Variants in USP34 observed in about 807,000 individuals in gnomAD.
USP34 encodes ubiquitin specific peptidase 34, also known as ubiquitin carboxyl-terminal hydrolase 34.
In USP34, 70 loss-of-function variants were observed where a neutral mutation model predicts 460.3. The observed-to-expected ratio is 0.15, with a 90% confidence interval of 0.13 to 0.19. USP34 has a LOEUF of 0.19. USP34 is among the 10% of genes least tolerant of loss of function. USP34 has a pLI of 1.00. For synonymous variants in USP34, 1,647 were observed against 1,405.3 expected, an observed-to-expected ratio of 1.17 and a Z score of -3.85; for missense variants, 3,985 against 4,236.2, an observed-to-expected ratio of 0.94 and a Z score of 1.65.
intron 62 of USP34, among the ~76,000 whole-genome samples, chr2:61,226,361 T>C (rs1012000609): frequency 1.3e-5 from 2 of 152,248 alleles, no homozygotes; most frequent in African/African-American, 4.8e-5. Context: ...GTGCCACTTT[T>C]GGCATTACAA....
At chr2:61,265,694 T>TAAA in intron 42 of USP34, 137 bp from the exon 43 acceptor site, 1 of 762,592 alleles carries the variant, frequency 1.3e-6, no homozygotes, top group Non-Finnish European at 1.8e-6. Flanking sequence ...ATTTTTTAAA[T>TAAA]AAAAAAAAAT....
intron 2 of USP34, among the ~76,000 whole-genome samples, chr2:61,417,831 TC>T (rs1694242360): frequency 7.1e-6 from 1 of 141,314 alleles, no homozygotes; most frequent in South Asian, 2.3e-4. Flanking sequence ...AACCTCTGCC[TC>T]CCGGGTTCAA....
At chr2:61,222,262 A>G (rs1196439701) in intron 65 of USP34, among the ~76,000 whole-genome samples, 1 of 152,238 alleles carries the variant, frequency 6.6e-6, no homozygotes, top group African/African-American at 2.4e-5. Flanking sequence ...CTTTTATATA[A>G]CACTGCATTC....
intron 5 of USP34, among the ~76,000 whole-genome samples, chr2:61,385,418 A>C (rs1477065084): frequency 6.6e-6 from 1 of 151,956 alleles, no homozygotes; most frequent in Admixed American, 6.6e-5. Context: ...GCGGTGGCTC[A>C]CATCTCACTT....
Position 61,232,556 on chromosome 2 carries a change from A to T in USP34, c.7033-24T>A. ...CACTGTTAAAAAAAAATACAGCATG[A>T]CTTTAACATTCAACAAATATTTGTT... On this transcript the variant is annotated intron_variant, in intron 57 of 79. Coordinates refer to ENST00000398571, the MANE Select transcript of USP34 (RefSeq NM_014709.4). 2.6e-6 allele frequency: 4 copies of T among 1,558,574 alleles called. No individual in the cohort carries two copies. In the South Asian group the frequency reaches 4.7e-5, roughly 18 times the overall value.
At chr2:61,332,818 C>T (rs1357673207) in intron 19 of USP34, among the ~76,000 whole-genome samples, 1 of 151,950 alleles carries the variant, frequency 6.6e-6, no homozygotes, top group Non-Finnish European at 1.5e-5. Context: ...GACTAAGATA[C>T]TTCTAAATAA....
chr2:61,256,573 CAA>C (rs34025877), intron 47 of USP34, 95 bp from the exon 48 acceptor site: 48 of 887,474 alleles, frequency 5.4e-5, no homozygotes, highest in African/African-American at 3.0e-4. Flanking sequence ...GAATGCTCAG[CAA>C]AAAAATTTTT....
chr2:61,421,202 G>A (rs2103973511), intron 1 of USP34, among the ~76,000 whole-genome samples: 1 of 152,280 alleles, frequency 6.6e-6, no homozygotes, highest in South Asian at 2.1e-4. Context: ...AAGAAGGCAG[G>A]AGGAGAGACC....
intron 33 of USP34, among the ~76,000 whole-genome samples, chr2:61,290,204 A>T (rs1238064017): frequency 6.6e-6 from 1 of 152,094 alleles, no homozygotes; most frequent in Non-Finnish European, 1.5e-5. Flanking sequence ...TGTTCATATC[A>T]ACTTCTGGCA....
At chr2:61,457,996 A>G (rs1695486797) in intron 1 of USP34, among the ~76,000 whole-genome samples, 1 of 152,180 alleles carries the variant, frequency 6.6e-6, no homozygotes, top group Admixed American at 6.6e-5. Context: ...TTTCCCTTCT[A>G]TTATCAACCC....
At chr2:61,387,464 C>CA (rs1693183735) in intron 5 of USP34, among the ~76,000 whole-genome samples, 1 of 149,666 alleles carries the variant, frequency 6.7e-6, no homozygotes, top group Non-Finnish European at 1.5e-5. Context: ...GACTCTATCT[C>CA]AAAAAAACAA....
At chr2:61,190,010 C>G (rs777590) in intron 78 of USP34, 216,358 of 340,594 alleles carry the variant, frequency 0.64, 69,094 homozygotes, top group Middle Eastern at 0.72. Flanking sequence ...ATATACCCAA[C>G]TAGAGATAAG....
In USP34 at chr2:61,221,485, C is replaced by T. The variant is rs756725765; in HGVS notation, c.7899+17G>A. Reference sequence around the variant, plus strand: ...CTCAGGAAAATAAACATTGAAAACACCTGCTGCAAGACTTACCTCCCATAT... The same window carrying T: ...CTCAGGAAAATAAACATTGAAAACATCTGCTGCAAGACTTACCTCCCATAT... On this transcript the variant is annotated intron_variant, in intron 66 of 79. Coordinates refer to ENST00000398571, the MANE Select transcript of USP34 (RefSeq NM_014709.4). The T allele has an allele frequency of 2.5e-6, 4 of 1,596,206 alleles. No individual in the cohort carries two copies. Among genetic ancestry groups the T allele is most frequent in the South Asian group, 1.1e-5 (1 of 88,222 alleles).
chr2:61,192,023 T>A lies in USP34; in HGVS notation c.9588+878A>T, dbSNP rs560069157. ...TCTGATAAGGTCTCTACACTTGAGT[T>A]CTGTTTTGGAAAAGTAGAGAAACCA... is the stretch of plus-strand genomic sequence containing the variant. On this transcript the variant is annotated intron_variant, in intron 76 of 79. Transcript: ENST00000398571. Among the ~76,000 whole-genome samples the A allele has an allele frequency of 2.9e-3, 447 of 152,342 alleles. 3 individuals are homozygous for A. Among genetic ancestry groups the A allele is most frequent in the African/African-American group, 9.3e-3 (388 of 41,570 alleles).
rs1695934976 is a variant in USP34, at chr2:61,470,759, G to GT, written c.-68_-67insA. 3 of 1,418,412 alleles carry GT rather than the reference G, an allele frequency of 2.1e-6. No homozygotes were observed. The highest frequency in any genetic ancestry group is 1.5e-5 in the African/African-American group (1 of 67,696). 87.9% of individuals were successfully genotyped at this position (1,418,412 alleles called of 1,614,324 possible). On this transcript the variant is annotated 5_prime_UTR_variant, in exon 1 of 80. Coordinates refer to ENST00000398571, the MANE Select transcript of USP34 (RefSeq NM_014709.4). ...CTGACTGATCCCGACCGGCGGGGGG[G>GT]AGGGGAGAGAGGCGGAGGAGGGGGC... is the stretch of plus-strand genomic sequence containing the variant.
At chr2:61,295,695 TCTA>T (rs1465859037) in intron 30 of USP34, among the ~76,000 whole-genome samples, 1 of 152,214 alleles carries the variant, frequency 6.6e-6, no homozygotes, top group Non-Finnish European at 1.5e-5. Flanking sequence ...ACTGCTGTTT[TCTA>T]CTGTCAATTC....
In USP34 at chr2:61,275,344, C is replaced by T. The variant is rs143283618; in HGVS notation, c.5433+2821G>A. ...ATGAATAGCCAAGCATGGCGGTGTG[C>T]GTTGGCTCACATCGGTAATCCCAAC... is the stretch of plus-strand genomic sequence containing the variant. On this transcript the variant is annotated intron_variant, in intron 41 of 79. Coordinates refer to ENST00000398571, the MANE Select transcript of USP34 (RefSeq NM_014709.4). Among the ~76,000 whole-genome samples the T allele has an allele frequency of 3.9e-4, 60 of 152,186 alleles. No homozygotes were observed. In the East Asian group the frequency reaches 9.1e-3, roughly 23 times the overall value.
At chr2:61,443,108 A>G (rs1695013297) in intron 1 of USP34, among the ~76,000 whole-genome samples, 1 of 152,190 alleles carries the variant, frequency 6.6e-6, no homozygotes, top group Admixed American at 6.5e-5. Context: ...AGTAAAAAGT[A>G]GAACAGAGGA....
chr2:61,273,011 C>T (rs1558503287), intron 41 of USP34, among the ~76,000 whole-genome samples: 1 of 152,112 alleles, frequency 6.6e-6, no homozygotes, highest in Non-Finnish European at 1.5e-5. Flanking sequence ...AGTCTACCAA[C>T]AATAAGTCAA....
Sources: allele counts gnomAD v4.1 joint callset (sites outside exome capture counted in the v4.1 genomes callset), GRCh38; gene constraint gnomAD v4.1.1; transcripts MANE v1.5; gene names NCBI Gene and HGNC (gene_info 2026-07-23, HGNC 2026-07-21).